The following WHAMM variants were observed in gnomAD, a reference collection of about 807,000 sequenced individuals.
The protein encoded by WHAMM is WASP homolog-associated protein with actin, membranes and microtubules.
Under a neutral mutation model 76.5 loss-of-function variants are expected in WHAMM, and 67 were observed. The ratio of observed to expected loss-of-function variants is 0.88; its 90% CI spans 0.72 to 1.07. WHAMM has a LOEUF of 1.07. Ranked by LOEUF, WHAMM falls within the 50% of genes least tolerant of loss-of-function variation. WHAMM has a pLI of 0.00. For missense variants in WHAMM, 1,021 were observed against 1,051.1 expected (o/e 0.97, Z 0.40); for synonymous variants, 419 against 422.1 (o/e 0.99, Z 0.09).
chr15:82,830,350 T>C (rs765841538), intron 8 of WHAMM, among the ~76,000 whole-genome samples: 7 of 152,210 alleles, frequency 4.6e-5, no homozygotes, highest in African/African-American at 1.7e-4. Context: ...TTCCTCTATA[T>C]GTATGCTTTC....
In WHAMM at chr15:82,810,022, C is replaced by T. The variant is rs1168649949; in HGVS notation, c.296C>T (p.Pro99Leu). Residue 99 changes from proline to leucine, a missense_variant, in exon 1 of 10, where the codon CCG becomes CTG. Physicochemically the swap from Pro to Leu is moderately conservative, Grantham distance 98. Transcript: ENST00000286760. ...GAHRQLAALW[P>L]PLERCFPRLP... ...CACCGGCAGTTGGCGGCGCTGTGGC[C>T]GCCTCTGGAGCGCTGCTTCCCGCGG... 7 of 1,255,758 alleles carry T rather than the reference C, an allele frequency of 5.6e-6. No homozygotes were observed. The highest frequency in any genetic ancestry group is 7.0e-6 in the Non-Finnish European group (7 of 1,002,188). The allele number at this position is 1,255,758 out of a possible 1,614,324, so 77.8% of individuals were successfully genotyped here. A position where few individuals can be genotyped will look rare whatever the true frequency, so the allele number is the denominator to read the frequency against.
At chr15:82,816,659 T>C (rs760845774) in intron 2 of WHAMM, 33 bp from the exon 3 acceptor site, 2 of 1,526,846 alleles carry the variant, frequency 1.3e-6, no homozygotes, top group Non-Finnish European at 1.8e-6. Flanking sequence ...AACTATTAGC[T>C]CTTACTAAGA....
rs558856752 is a variant in WHAMM, at chr15:82,819,148, A to G, written c.1105-175A>G. ...GAACCTAAATGTTTTCCTCTGTTTC[A>G]AGGATGAGATAAAGTATTTGCATCA... On this transcript the variant is annotated intron_variant, in intron 4 of 9. Transcript: ENST00000286760. Among the ~76,000 whole-genome samples, 112 of 152,330 alleles carry G rather than the reference A, an allele frequency of 7.4e-4. 1 individual carries two copies. Among genetic ancestry groups the G allele is most frequent in the African/African-American group, 2.6e-3 (109 of 41,572 alleles).
intron 5 of WHAMM, among the ~76,000 whole-genome samples, chr15:82,819,749 T>C (rs1035563709): frequency 4.6e-5 from 7 of 152,260 alleles, no homozygotes; most frequent in South Asian, 4.1e-4. Context: ...ATCCCAGCAC[T>C]GTGGGAGGCC....
At chr15:82,828,798 T>C (rs146660034) in intron 8 of WHAMM, among the ~76,000 whole-genome samples, 184 of 152,262 alleles carry the variant, frequency 1.2e-3, no homozygotes, top group Admixed American at 3.5e-3. Flanking sequence ...AAAAAGCCCA[T>C]ATGGAGGTAT....
chr15:82,810,047 G>T lies in WHAMM; in HGVS notation c.321G>T (p.Arg107=). 3.3e-6 allele frequency: 4 copies of T among 1,219,274 alleles called. No individual in the cohort carries two copies. Among genetic ancestry groups the T allele is most frequent in the Non-Finnish European group, 4.1e-6 (4 of 983,138 alleles). 75.5% of individuals were successfully genotyped at this position (1,219,274 alleles called of 1,614,324 possible). The change falls in exon 1 of 10, where the codon CGG becomes CGT. Residue 107 remains arginine (R), a synonymous_variant. Coordinates refer to ENST00000286760, the MANE Select transcript of WHAMM (RefSeq NM_001080435.3). ...LWPPLERCFP[R]LPPELDVGGG... ...CGCCTCTGGAGCGCTGCTTCCCGCGGCTGCCGCCGGAGCTGGACGTGGGCG... is the reference window on the plus strand; with the variant it reads ...CGCCTCTGGAGCGCTGCTTCCCGCGTCTGCCGCCGGAGCTGGACGTGGGCG...
chr15:82,827,280 T>G (rs938166346), intron 8 of WHAMM, among the ~76,000 whole-genome samples: 10 of 151,564 alleles, frequency 6.6e-5, no homozygotes, highest in South Asian at 6.3e-4. Context: ...ATTTAGTGGG[T>G]TTTTTTTTGA....
rs200865698 is a variant in WHAMM, at chr15:82,833,289, A to C, written c.2183A>C (p.Glu728Ala). The C allele has an allele frequency of 3.7e-6, 6 of 1,614,036 alleles. No individual in the cohort carries two copies. In the East Asian group the frequency reaches 8.9e-5, roughly 24 times the overall value. ...GGCAGAGCTCCTCTCCGGAAGGTGG[A>C]AGTGCCGGCGGTGCGCCCTCCCCAC... ...RHGRAPLRKVEVPAVRPPHAS... is the reference protein window; with the variant it reads ...RHGRAPLRKVAVPAVRPPHAS... Residue 728 changes from glutamate to alanine, a missense_variant, in exon 10 of 10, where the codon GAA becomes GCA. Glu to Ala is a moderately radical substitution (Grantham distance 107). Around this residue, in one of 3 missense-constraint regions of WHAMM, gnomAD observed 509 missense variants for 492.3 expected, o/e 1.03. Coordinates refer to ENST00000286760, the MANE Select transcript of WHAMM (RefSeq NM_001080435.3).
intron 5 of WHAMM, among the ~76,000 whole-genome samples, chr15:82,820,535 ATAT>A (rs2050802004): frequency 1.3e-5 from 2 of 152,146 alleles, no homozygotes; most frequent in African/African-American, 4.8e-5. Flanking sequence ...CCTCACCTCC[ATAT>A]TATTTTCTGA....
In WHAMM at chr15:82,834,841, ATTTG is replaced by A. The variant is rs1389009101; in HGVS notation, c.*1309_*1312del. 2 of 152,344 alleles carry A rather than the reference ATTTG, an allele frequency of 1.3e-5. No homozygotes were observed. Among genetic ancestry groups the A allele is most frequent in the African/African-American group, 4.8e-5 (2 of 41,586 alleles). The allele number at this position is 152,344 out of a possible 1,614,324, so 9.4% of individuals were successfully genotyped here. A position where few individuals can be genotyped will look rare whatever the true frequency, so the allele number is the denominator to read the frequency against. On this transcript the variant is annotated 3_prime_UTR_variant, in exon 10 of 10. Coordinates refer to ENST00000286760, the MANE Select transcript of WHAMM (RefSeq NM_001080435.3). ...GTTTTTAATAAAATTTTAGCTAAAC[ATTTG>A]TTTAAGTGAATACTAAGGATGGAGC... is the stretch of plus-strand genomic sequence containing the variant.
At chr15:82,827,717 G>A (rs552366045) in intron 8 of WHAMM, among the ~76,000 whole-genome samples, 2 of 152,308 alleles carry the variant, frequency 1.3e-5, no homozygotes, top group East Asian at 3.9e-4. Context: ...GGCTGAGGCG[G>A]GCAGATTCCT....
chr15:82,823,789 C>T (rs1023788463), intron 6 of WHAMM, among the ~76,000 whole-genome samples: 1 of 152,192 alleles, frequency 6.6e-6, no homozygotes, highest in Non-Finnish European at 1.5e-5. Flanking sequence ...TGGTCTTGAA[C>T]TCCTGACCTC....
At position 82,819,678 on chromosome 15, in the gene WHAMM, C is replaced by T. The variant is rs144780932; in HGVS notation, c.1270+190C>T. Among the ~76,000 whole-genome samples the T allele has an allele frequency of 2.0e-3, 301 of 152,298 alleles. 5 individuals carry two copies. The East Asian group carries it at 0.046, about 23-fold the overall frequency. ...AACAAAGAAAGAAAAATGATTATTA[C>T]CCCAATCCCATCATCTAGAGATGCT... On this transcript the variant is annotated intron_variant, in intron 5 of 9. Transcript: ENST00000286760.
Position 82,833,628 on chromosome 15 carries a change from T to C in WHAMM, c.*92T>C, listed in dbSNP as rs1328785936. ...GAAAAGCATACTAACAGGGTGCTGA[T>C]AGATGGGCCACATAACACCCCGGAA... On this transcript the variant is annotated 3_prime_UTR_variant, in exon 10 of 10. Transcript: ENST00000286760. The C allele has an allele frequency of 2.9e-5, 40 of 1,378,238 alleles. No homozygotes were observed. Among genetic ancestry groups the C allele is most frequent in the Non-Finnish European group, 3.9e-5 (40 of 1,018,652 alleles). The allele number at this position is 1,378,238 out of a possible 1,614,324, so 85.4% of individuals were successfully genotyped here. A position where few individuals can be genotyped will look rare whatever the true frequency, so the allele number is the denominator to read the frequency against.
chr15:82,811,938 A>G (rs2151555564), intron 1 of WHAMM, among the ~76,000 whole-genome samples: 1 of 152,282 alleles, frequency 6.6e-6, no homozygotes, highest in African/African-American at 2.4e-5. Context: ...GGATGGAAAT[A>G]GGAGAATTTA....
In WHAMM at chr15:82,833,365, GAAGA is replaced by G; in HGVS notation, c.2263_2266del (p.Lys755PhefsTer69). 6.2e-7 allele frequency: 1 copy of G among 1,614,040 alleles called. No individual in the cohort carries two copies. Among genetic ancestry groups the G allele is most frequent in the Non-Finnish European group, 8.5e-7 (1 of 1,179,886 alleles). On this transcript the variant is annotated frameshift_variant, in exon 10 of 10. Transcript: ENST00000286760. LOFTEE classifies it low-confidence loss of function (END_TRUNC). ...CTGCCATAAGGCAAGGGGTCAAACT[GAAGA>G]AAGTTCACCCTGATCTTGGCCCAAA...
At chr15:82,827,893 T>C (rs536648848) in intron 8 of WHAMM, among the ~76,000 whole-genome samples, 4 of 152,110 alleles carry the variant, frequency 2.6e-5, no homozygotes, top group African/African-American at 9.6e-5. Context: ...TGCAGTGAGC[T>C]GAACTTGCGC....
intron 3 of WHAMM, among the ~76,000 whole-genome samples, chr15:82,817,715 C>T (rs542475219): frequency 6.6e-6 from 1 of 152,052 alleles, no homozygotes; most frequent in Non-Finnish European, 1.5e-5. Flanking sequence ...GAGATCATGA[C>T]TTACTGTCTT....
intron 1 of WHAMM, 92 bp downstream of exon 1, chr15:82,810,427 G>A (rs1202533389): frequency 3.3e-6 from 4 of 1,221,792 alleles, no homozygotes; most frequent in Non-Finnish European, 3.1e-6. Context: ...CCTGGCTGAC[G>A]GCTGACGGGG....
Sources: allele counts gnomAD v4.1 joint callset (sites outside exome capture counted in the v4.1 genomes callset), GRCh38; gene constraint gnomAD v4.1.1; regional missense constraint gnomAD v4.1.1; transcripts MANE v1.5; gene names NCBI Gene and HGNC (gene_info 2026-07-23, HGNC 2026-07-21).